Variants in ARGLU1 observed in about 807,000 individuals in gnomAD.
ARGLU1 encodes arginine and glutamate rich 1.
In ARGLU1, 9 loss-of-function variants were observed where a neutral mutation model predicts 37.6. The observed-to-expected ratio is 0.24, with a 90% CI of 0.14 to 0.42. The LOEUF (loss-of-function observed/expected upper bound fraction) is 0.42. Among genes scored for constraint, ARGLU1 ranks in the 10% least tolerant of loss-of-function variants. ARGLU1 has a pLI of 1.00. For synonymous variants in ARGLU1, 166 were observed against 138.5 expected (o/e 1.20, Z -1.39); for missense variants, 211 against 359.2 (o/e 0.59, Z 3.34).
At chr13:106,561,193 C>T (rs1880790616) in intron 1 of ARGLU1, among the ~76,000 whole-genome samples, 1 of 151,896 alleles carries the variant, frequency 6.6e-6, no homozygotes, top group African/African-American at 2.4e-5. Flanking sequence ...GTATCTTCCC[C>T]AATACTAAAA....
At chr13:106,559,367 G>C (rs544900207) in intron 2 of ARGLU1, 65 bp downstream of exon 2, 1 of 1,599,790 alleles carries the variant, frequency 6.3e-7, no homozygotes, top group African/African-American at 1.3e-5. Flanking sequence ...CTGAGCAGGA[G>C]GCAGAACCCA....
intron 2 of ARGLU1, chr13:106,558,675 A>G (rs1880719099): frequency 1.0e-6 from 1 of 985,480 alleles, no homozygotes; most frequent in African/African-American, 1.7e-5. Context: ...GACATTTTCA[A>G]CTTCTGCTCC....
chr13:106,543,928 C>T lies in ARGLU1; in HGVS notation c.*68G>A. 1 of 1,451,186 alleles carries T rather than the reference C, an allele frequency of 6.9e-7. No individual in the cohort carries two copies. The allele number at this position is 1,451,186 out of a possible 1,614,324, so 89.9% of individuals were successfully genotyped here. A position where few individuals can be genotyped will look rare whatever the true frequency, so the allele number is the denominator to read the frequency against. ...AAAAACAAAAACAAAAACAAAAAAC[C>T]ACTTCAACATGAAGCTACCATACAA... On this transcript the variant is annotated 3_prime_UTR_variant, in exon 4 of 4. Coordinates refer to ENST00000400198, the MANE Select transcript of ARGLU1 (RefSeq NM_018011.4).
chr13:106,553,714 T>C (rs543555027), intron 3 of ARGLU1, among the ~76,000 whole-genome samples: 13 of 152,346 alleles, frequency 8.5e-5, no homozygotes, highest in Non-Finnish European at 1.6e-4. Flanking sequence ...TTGCTTCTTG[T>C]CCTACTTGTG....
chr13:106,567,362 G>A lies in ARGLU1; in HGVS notation c.347+211C>T, dbSNP rs1880997762. Among the ~76,000 whole-genome samples the A allele has an allele frequency of 6.6e-6, 1 of 151,704 alleles. No homozygotes were observed. The highest frequency in any genetic ancestry group is 2.1e-4 in the South Asian group (1 of 4,806). On this transcript the variant is annotated intron_variant, in intron 1 of 3. Transcript: ENST00000400198. The surrounding 1 kb of genome is among the most constrained non-coding windows in gnomAD (Gnocchi z 4.3). ...CTCAAGCCCTCGAATTTTCCATCCC[G>A]AACAACTTCTGGGTCTGTCCCACCC...
intron 1 of ARGLU1, among the ~76,000 whole-genome samples, chr13:106,563,215 T>G (rs1203376701): frequency 1.3e-5 from 2 of 152,304 alleles, no homozygotes; most frequent in Admixed American, 6.5e-5. Context: ...TATTACTTAA[T>G]AGGTAACATA....
chr13:106,565,139 C>G (rs1032524633), intron 1 of ARGLU1, among the ~76,000 whole-genome samples: 3 of 152,202 alleles, frequency 2.0e-5, no homozygotes, highest in Non-Finnish European at 4.4e-5. Flanking sequence ...GCTTAAAATC[C>G]TTCCCGTTTC....
chr13:106,556,037 C>T (rs908701840), intron 3 of ARGLU1, among the ~76,000 whole-genome samples: 1 of 152,188 alleles, frequency 6.6e-6, no homozygotes, highest in Non-Finnish European at 1.5e-5. Flanking sequence ...TTTCCCTCTT[C>T]TTCCTATCTG....
intron 1 of ARGLU1, among the ~76,000 whole-genome samples, chr13:106,560,429 A>G (rs1004965520): frequency 1.2e-4 from 18 of 152,196 alleles, no homozygotes; most frequent in African/African-American, 4.3e-4. Flanking sequence ...GACATTCATC[A>G]AGGCACCACT....
At chr13:106,558,036 G>A (rs1019519778) in intron 2 of ARGLU1, 19 of 985,012 alleles carry the variant, frequency 1.9e-5, no homozygotes, top group Non-Finnish European at 2.2e-5. Flanking sequence ...AAGACTGCTT[G>A]ATGGCTTGAG....
intron 1 of ARGLU1, among the ~76,000 whole-genome samples, chr13:106,566,886 G>A (rs1040613972): frequency 7.2e-5 from 11 of 151,972 alleles, no homozygotes; most frequent in Middle Eastern, 3.4e-3. Context: ...GATTACACAG[G>A]TGAATTCAAA....
In ARGLU1 at chr13:106,557,043, C is replaced by G. The variant is rs748203690; in HGVS notation, c.657+5G>C. 1 of 1,611,022 alleles carries G rather than the reference C, an allele frequency of 6.2e-7. No individual in the cohort carries two copies. Among genetic ancestry groups the G allele is most frequent in the South Asian group, 1.1e-5 (1 of 91,020 alleles). On this transcript the variant is annotated splice_donor_5th_base_variant and intron_variant, in intron 3 of 3. Transcript: ENST00000400198. The surrounding 1 kb of genome is among the most constrained non-coding windows in gnomAD (Gnocchi z 5.0). ...AAACACTTTTCATGTATGCTTTACA[C>G]TTACCAGTTTGGCTTGTGCTTCTGC...
At chr13:106,552,096 C>T (rs1392812242) in intron 3 of ARGLU1, among the ~76,000 whole-genome samples, 2 of 152,154 alleles carry the variant, frequency 1.3e-5, no homozygotes, top group South Asian at 4.1e-4. Flanking sequence ...AAAGCCATCT[C>T]GCAAAGCAAA....
At chr13:106,549,560 C>T (rs749563933) in intron 3 of ARGLU1, among the ~76,000 whole-genome samples, 22 of 152,232 alleles carry the variant, frequency 1.4e-4, no homozygotes, top group Non-Finnish European at 2.6e-4. Context: ...AAGGGTAAAA[C>T]GCAAGGATCC....
At chr13:106,551,148 T>C (rs1439242105) in intron 3 of ARGLU1, among the ~76,000 whole-genome samples, 3 of 152,214 alleles carry the variant, frequency 2.0e-5, no homozygotes, top group Non-Finnish European at 2.9e-5. Flanking sequence ...ACAGTTTTTC[T>C]AACAGTGAAC....
rs537124128 is a variant in ARGLU1, at chr13:106,567,532, G to A, written c.347+41C>T. 6 of 1,433,720 alleles carry A rather than the reference G, an allele frequency of 4.2e-6. No homozygotes were observed. In the African/African-American group the frequency reaches 7.1e-5, roughly 17 times the overall value. 88.8% of individuals were successfully genotyped at this position (1,433,720 alleles called of 1,614,324 possible). On this transcript the variant is annotated intron_variant, in intron 1 of 3. Transcript: ENST00000400198. This position sits in a 1 kb window ranked among gnomAD's most constrained non-coding sequence, Gnocchi z 4.3. ...GCCCCACGCCCTCGCCCCGCGCCCT[G>A]CTCTCCGCACGCCCCGGTCCCTCCC... is the stretch of plus-strand genomic sequence containing the variant.
intron 3 of ARGLU1, among the ~76,000 whole-genome samples, chr13:106,554,301 C>T (rs1880607449): frequency 6.6e-6 from 1 of 152,128 alleles, no homozygotes; most frequent in Non-Finnish European, 1.5e-5. Context: ...TTTGATCACC[C>T]TTCATCATTC....
At chr13:106,553,970 T>C (rs1880596476) in intron 3 of ARGLU1, among the ~76,000 whole-genome samples, 1 of 152,194 alleles carries the variant, frequency 6.6e-6, no homozygotes, top group African/African-American at 2.4e-5. Context: ...TAGCCTTTGT[T>C]TTATTCTACT....
chr13:106,546,085 T>C (rs1331625245), intron 3 of ARGLU1, among the ~76,000 whole-genome samples: 1 of 152,218 alleles, frequency 6.6e-6, no homozygotes, highest in African/African-American at 2.4e-5. Flanking sequence ...CAGTCAAGTT[T>C]GTTACTTCTT....
Sources: allele counts gnomAD v4.1 joint callset (sites outside exome capture counted in the v4.1 genomes callset), GRCh38; gene constraint gnomAD v4.1.1; non-coding constraint Gnocchi (gnomAD v3.1); transcripts MANE v1.5; gene names NCBI Gene and HGNC (gene_info 2026-07-23, HGNC 2026-07-21).